The following MYO7B variants were observed in gnomAD, a reference collection of about 807,000 sequenced individuals.
MYO7B encodes unconventional myosin-VIIb.
Under a neutral mutation model 259.7 loss-of-function variants are expected in MYO7B, and 212 were observed. That is an observed-to-expected ratio of 0.82 (90% CI 0.73 to 0.91). MYO7B has a LOEUF of 0.91. MYO7B is among the 40% of genes least tolerant of loss of function. The pLI is 0.00. For missense variants in MYO7B, 2,732 were observed against 2,813.5 expected, an observed-to-expected ratio of 0.97 and a Z score of 0.66; for synonymous variants, 1,197 against 1,166.4, an observed-to-expected ratio of 1.03 and a Z score of -0.54.
At chr2:127,634,338 G>A (rs759732910) in intron 41 of MYO7B, 49 bp downstream of exon 41, 11 of 1,383,106 alleles carry the variant, frequency 8.0e-6, no homozygotes, top group East Asian at 5.0e-5. Flanking sequence ...GGCAGTGAGC[G>A]AGGCCCTAGG....
rs1322799942 is a variant in MYO7B at position 127,565,274 on chromosome 2, C to T, written c.174C>T (p.Pro58=). 6 of 1,613,892 alleles carry T rather than the reference C, an allele frequency of 3.7e-6. No homozygotes were observed. Among genetic ancestry groups the T allele is most frequent in the African/African-American group, 1.3e-5 (1 of 74,942 alleles). Residue 58 remains proline (P), a synonymous_variant, in exon 4 of 48, where the codon CCC becomes CCT. Transcript: ENST00000409816. ...IRAEDFGVLS[P]MHPNSVQGVD... is the part of the protein sequence containing the mutation. Reference sequence around the variant, plus strand: ...CAGAGGACTTTGGTGTCCTCAGTCCCATGCACCCCAACTCAGTCCAGGGTG... The same window carrying T: ...CAGAGGACTTTGGTGTCCTCAGTCCTATGCACCCCAACTCAGTCCAGGGTG...
At chr2:127,626,610 C>T (rs775811793) in intron 31 of MYO7B, 7 of 184,446 alleles carry the variant, frequency 3.8e-5, no homozygotes, top group African/African-American at 7.2e-5. Flanking sequence ...GCAAGACCCC[C>T]TCTACTAAAA....
At chr2:127,555,455 T>G (rs1364587466) in intron 1 of MYO7B, among the ~76,000 whole-genome samples, 5 of 152,222 alleles carry the variant, frequency 3.3e-5, no homozygotes, top group Admixed American at 6.5e-5. Flanking sequence ...TTTGTTCTTG[T>G]TTCTCTAGTT....
chr2:127,609,769 T>A lies in MYO7B; in HGVS notation c.3024+54T>A. 1 of 1,611,788 alleles carries A rather than the reference T, an allele frequency of 6.2e-7. No homozygotes were observed. ...TCAGGCCAGCCCCGAGCCTGGGGTGTGAGCTATGGCTCGGGGAAAGAAGGA... is the reference window on the plus strand; with the variant it reads ...TCAGGCCAGCCCCGAGCCTGGGGTGAGAGCTATGGCTCGGGGAAAGAAGGA... On this transcript the variant is annotated intron_variant, in intron 23 of 47. Transcript: ENST00000409816. This position sits in a 1 kb window ranked among gnomAD's most constrained non-coding sequence, Gnocchi z 6.9.
In MYO7B at chr2:127,611,942, C is replaced by T. The variant is rs903159188; in HGVS notation, c.3193-308C>T. Among the ~76,000 whole-genome samples, 6 of 152,174 alleles carry T rather than the reference C, an allele frequency of 3.9e-5. No individual in the cohort carries two copies. Among genetic ancestry groups the T allele is most frequent in the African/African-American group, 1.4e-4 (6 of 41,440 alleles). On this transcript the variant is annotated intron_variant, in intron 24 of 47. Coordinates refer to ENST00000409816, the MANE Select transcript of MYO7B (RefSeq NM_001393586.1). This position sits in a 1 kb window ranked among gnomAD's most constrained non-coding sequence, Gnocchi z 5.4. ...CTCCCAGGGGTTTACTGGGGAGAGG[C>T]ACAAGCTTTGGGATCAGAACAGCCC...
intron 39 of MYO7B, among the ~76,000 whole-genome samples, chr2:127,632,801 C>A (rs577119126): frequency 2.0e-5 from 3 of 152,222 alleles, no homozygotes; most frequent in Non-Finnish European, 4.4e-5. Context: ...TGCTCTCCCC[C>A]ACCCCTCCTG....
intron 9 of MYO7B, among the ~76,000 whole-genome samples, chr2:127,580,050 C>T (rs559418734): frequency 6.6e-6 from 1 of 152,164 alleles, no homozygotes; most frequent in African/African-American, 2.4e-5. Flanking sequence ...GCTGGCAGAT[C>T]CTAGATTTGG....
At chr2:127,635,089 G>T (rs776788481) in intron 42 of MYO7B, 31 bp from the exon 43 acceptor site, 1 of 1,573,546 alleles carries the variant, frequency 6.4e-7, no homozygotes, top group South Asian at 1.1e-5. Context: ...TGCTGGGACA[G>T]GCTTGGTGCC....
At position 127,585,880 on chromosome 2, in the gene MYO7B, G is replaced by A. The variant is rs1318798692; in HGVS notation, c.1690+967G>A. 6.6e-6 allele frequency among the ~76,000 whole-genome samples: 1 copy of A among 152,136 alleles called. No individual in the cohort carries two copies. Among genetic ancestry groups the A allele is most frequent in the Non-Finnish European group, 1.5e-5 (1 of 68,030 alleles). ...GGCCATTTGCACGTCTTCTTTGGAG[G>A]GATGTCTATTTAAATGCTCTGCCTG... is the stretch of plus-strand genomic sequence containing the variant. On this transcript the variant is annotated intron_variant, in intron 14 of 47. Transcript: ENST00000409816. This position sits in a 1 kb window ranked among gnomAD's most constrained non-coding sequence, Gnocchi z 4.3.
At chr2:127,589,816 G>C (rs1195291530) in intron 15 of MYO7B, among the ~76,000 whole-genome samples, 3 of 128,900 alleles carry the variant, frequency 2.3e-5, no homozygotes, top group Non-Finnish European at 5.0e-5. Context: ...ATGGGTGCTG[G>C]GTAGGTGGAA....
At position 127,576,564 on chromosome 2, in the gene MYO7B, A is replaced by G; in HGVS notation, c.736-31A>G. The G allele has an allele frequency of 7.0e-7, 1 of 1,430,508 alleles. No individual in the cohort carries two copies. The highest frequency in any genetic ancestry group is 1.4e-5 in the African/African-American group (1 of 70,980). The allele number at this position is 1,430,508 out of a possible 1,614,324, so 88.6% of individuals were successfully genotyped here. ...GAGGCCTCAGGGGAATGGCTCATGAATCTGTCTGGAATGCCCTCCCTCCCT... is the reference window on the plus strand; with the variant it reads ...GAGGCCTCAGGGGAATGGCTCATGAGTCTGTCTGGAATGCCCTCCCTCCCT... On this transcript the variant is annotated intron_variant, in intron 7 of 47. Coordinates refer to ENST00000409816, the MANE Select transcript of MYO7B (RefSeq NM_001393586.1). This position sits in a 1 kb window ranked among gnomAD's most constrained non-coding sequence, Gnocchi z 4.9.
chr2:127,605,209 G>T (rs1045837609), intron 19 of MYO7B, among the ~76,000 whole-genome samples: 1 of 152,218 alleles, frequency 6.6e-6, no homozygotes, highest in African/African-American at 2.4e-5. Context: ...CCAGAGGAGG[G>T]CCGTCTGCAA....
Position 127,630,834 on chromosome 2 carries a change from C to G in MYO7B, c.4863C>G (p.Phe1621Leu). 1.2e-6 allele frequency: 2 copies of G among 1,612,846 alleles called. No homozygotes were observed. The highest frequency in any genetic ancestry group is 8.5e-7 in the Non-Finnish European group (1 of 1,179,680). The change falls in exon 36 of 48, where the codon TTC becomes TTG. Residue 1621 changes from phenylalanine (F) to leucine (L), a missense_variant. Phe to Leu is a conservative substitution (Grantham distance 22). Around this residue, in one of 3 missense-constraint regions of MYO7B, gnomAD observed 821 missense variants for 769.3 expected, o/e 1.07. Transcript: ENST00000409816. ...AGCTGGCGGCTCAGGAGGGGCAGTT[C>G]ACAGAGCCACGTCCTGAGGAGCCAC... ...KRKLAAQEGQ[F>L]TEPRPEEPPK... is the part of the protein sequence containing the mutation.
intron 39 of MYO7B, 58 bp from the exon 40 acceptor site, chr2:127,633,200 G>A: frequency 7.4e-7 from 1 of 1,355,568 alleles, no homozygotes; most frequent in South Asian, 1.2e-5. Flanking sequence ...ATCGGGGCTG[G>A]GGCATGGGTG....
intron 2 of MYO7B, among the ~76,000 whole-genome samples, chr2:127,561,669 G>A (rs1470715761): frequency 6.6e-6 from 1 of 152,126 alleles, no homozygotes; most frequent in African/African-American, 2.4e-5. Context: ...CTGTGAAGCG[G>A]GCCCTTTCAA....
At chr2:127,624,930 G>A (rs965788769) in intron 30 of MYO7B, among the ~76,000 whole-genome samples, 1 of 152,212 alleles carries the variant, frequency 6.6e-6, no homozygotes. Flanking sequence ...GAAGAGGCAT[G>A]GGCAGGGGGT....
At chr2:127,588,961 G>A (rs1679420285) in intron 15 of MYO7B, among the ~76,000 whole-genome samples, 1 of 145,008 alleles carries the variant, frequency 6.9e-6, no homozygotes, top group Non-Finnish European at 1.5e-5. Context: ...GGATAGATGG[G>A]TGAGTGGGTG....
chr2:127,593,745 C>A, intron 18 of MYO7B, 101 bp downstream of exon 18: 4 of 1,065,242 alleles, frequency 3.8e-6, no homozygotes, highest in Non-Finnish European at 5.7e-6. Context: ...TGCCCTGAGC[C>A]AATGACACTG....
At chr2:127,545,469 G>A (rs1444574405) in intron 1 of MYO7B, among the ~76,000 whole-genome samples, 1 of 152,182 alleles carries the variant, frequency 6.6e-6, no homozygotes, top group Non-Finnish European at 1.5e-5. Flanking sequence ...GGGGGACATT[G>A]GGAAGTTACC....
Sources: allele counts gnomAD v4.1 joint callset (sites outside exome capture counted in the v4.1 genomes callset), GRCh38; gene constraint gnomAD v4.1.1; regional missense constraint gnomAD v4.1.1; non-coding constraint Gnocchi (gnomAD v3.1); transcripts MANE v1.5; gene names NCBI Gene and HGNC (gene_info 2026-07-23, HGNC 2026-07-21).